DOC2B: variants seen among roughly 807,000 people sequenced by gnomAD.
DOC2B encodes double C2-like domain-containing protein beta.
In DOC2B, 21 loss-of-function variants were observed where a neutral mutation model predicts 28.9. That is an observed-to-expected ratio of 0.73 (90% CI 0.52 to 1.05). The LOEUF (loss-of-function observed/expected upper bound fraction) is 1.05, where lower values mean the gene tolerates loss of function less well. Ranked by LOEUF, DOC2B falls within the 50% of genes least tolerant of loss-of-function variation. DOC2B has a pLI of 0.00. For synonymous variants in DOC2B, 194 were observed against 178.1 expected (o/e 1.09, Z -0.71); for missense variants, 384 against 421.1 (o/e 0.91, Z 0.77).
intron 2 of DOC2B, among the ~76,000 whole-genome samples, chr17:172,109 G>A (rs1365518072): frequency 6.6e-6 from 1 of 152,084 alleles, no homozygotes; most frequent in Non-Finnish European, 1.5e-5. Flanking sequence ...AGTGGCATCG[G>A]CCTCCTACAG....
chr17:177,175 G>A (rs569195150), intron 1 of DOC2B, among the ~76,000 whole-genome samples: 1 of 152,090 alleles, frequency 6.6e-6, no homozygotes, highest in African/African-American at 2.4e-5. Context: ...AGCCAGGCCG[G>A]CACTGCAGGG....
chr17:181,374 A>G lies in DOC2B; in HGVS notation c.106T>C (p.Tyr36His). 1.8e-6 allele frequency: 2 copies of G among 1,141,262 alleles called. No individual in the cohort carries two copies. The highest frequency in any genetic ancestry group is 2.2e-6 in the Non-Finnish European group (2 of 926,846). 70.7% of individuals were successfully genotyped at this position (1,141,262 alleles called of 1,614,324 possible). The change falls in exon 1 of 9, where the codon TAC (tyrosine) becomes CAC (histidine). Residue 36 changes from tyrosine (Y) to histidine (H), a missense_variant. Transcript: ENST00000613549. This position sits in a 1 kb window ranked among gnomAD's most constrained non-coding sequence, Gnocchi z 7.0. Reference sequence around the variant, plus strand: ...AGGCCCCGCGGGAAGCGGGGGAAGTAGTCGGAGATCTGCTTGATGGGACGG... The same window carrying G: ...AGGCCCCGCGGGAAGCGGGGGAAGTGGTCGGAGATCTGCTTGATGGGACGG... Reference protein sequence around the residue: ...PIRPIKQISDYFPRFPRGLPP... With the variant: ...PIRPIKQISDHFPRFPRGLPP...
At chr17:149,456 AG>A (rs1385831995) in intron 6 of DOC2B, among the ~76,000 whole-genome samples, 1 of 152,122 alleles carries the variant, frequency 6.6e-6, no homozygotes, top group Non-Finnish European at 1.5e-5. Flanking sequence ...CCATCCCCCT[AG>A]GAAAGGGGTT....
chr17:180,099 C>T (rs975078758), intron 1 of DOC2B, among the ~76,000 whole-genome samples: 2 of 152,266 alleles, frequency 1.3e-5, no homozygotes, highest in African/African-American at 4.8e-5. Flanking sequence ...GGGCCACATC[C>T]CGGGAAGGGC....
chr17:180,920 G>C (rs920227089), intron 1 of DOC2B, among the ~76,000 whole-genome samples, 187 bp downstream of exon 1: 7 of 151,816 alleles, frequency 4.6e-5, no homozygotes, highest in Non-Finnish European at 1.0e-4. Flanking sequence ...GGGAGGGCTC[G>C]AGGCCGGTGG....
chr17:154,761 GCT>G (rs1385288376), intron 6 of DOC2B, among the ~76,000 whole-genome samples: 2 of 151,946 alleles, frequency 1.3e-5, no homozygotes, highest in African/African-American at 4.8e-5. Flanking sequence ...AGAGTGTCTC[GCT>G]CTGTCACCCT....
At chr17:175,211 A>G (rs112312375) in intron 1 of DOC2B, among the ~76,000 whole-genome samples, 9,677 of 152,296 alleles carry the variant, frequency 0.064, 330 homozygotes, top group African/African-American at 0.074. Flanking sequence ...CATCCAACCT[A>G]GGCGACAGAG....
intron 2 of DOC2B, among the ~76,000 whole-genome samples, chr17:166,292 G>A (rs2040263875): frequency 6.6e-6 from 1 of 152,282 alleles, no homozygotes; most frequent in Non-Finnish European, 1.5e-5. Context: ...GGTTCCGCCA[G>A]TGCCTCCACC....
chr17:157,701 C>T (rs2040151806), intron 5 of DOC2B, among the ~76,000 whole-genome samples: 1 of 152,226 alleles, frequency 6.6e-6, no homozygotes, highest in African/African-American at 2.4e-5. Flanking sequence ...ACCTCAGCCT[C>T]CTGAAGTGCT....
chr17:181,102 CT>C lies in DOC2B; in HGVS notation c.373+4del. 1 of 1,244,190 alleles carries C rather than the reference CT, an allele frequency of 8.0e-7. No homozygotes were observed. The highest frequency in any genetic ancestry group is 1.0e-6 in the Non-Finnish European group (1 of 992,774). The allele number at this position is 1,244,190 out of a possible 1,614,324, so 77.1% of individuals were successfully genotyped here. The stretch of plus-strand genomic sequence containing the variant: ...GGGCGCGAAGTCGGCGCGTGGGAAA[CT>C]TACTGCAGTCGTCCGACTCGTAGCC... On this transcript the variant is annotated splice_donor_region_variant and intron_variant, in intron 1 of 8. Coordinates refer to ENST00000613549, the MANE Select transcript of DOC2B (RefSeq NM_003585.5). The surrounding 1 kb of genome is among the most constrained non-coding windows in gnomAD (Gnocchi z 7.0).
In DOC2B at chr17:160,131, T is replaced by C. The variant is rs575945237; in HGVS notation, c.765+1284A>G. ...TCCTGAGTAGCTGGGATTACAGGCATGCACCCCCACACCCGGCTAATTTTT... is the reference window on the plus strand; with the variant it reads ...TCCTGAGTAGCTGGGATTACAGGCACGCACCCCCACACCCGGCTAATTTTT... On this transcript the variant is annotated intron_variant, in intron 5 of 8. Coordinates refer to ENST00000613549, the MANE Select transcript of DOC2B (RefSeq NM_003585.5). Among the ~76,000 whole-genome samples, 6 of 152,070 alleles carry C rather than the reference T, an allele frequency of 3.9e-5. No individual in the cohort carries two copies. In the East Asian group the frequency reaches 9.7e-4, roughly 25 times the overall value.
intron 6 of DOC2B, among the ~76,000 whole-genome samples, chr17:150,516 G>A (rs1016518299): frequency 5.3e-5 from 8 of 152,172 alleles, no homozygotes; most frequent in South Asian, 2.1e-4. Flanking sequence ...CAGTGCCTGC[G>A]ACAAAGCTGA....
chr17:181,209 C>T lies in DOC2B; in HGVS notation c.271G>A (p.Gly91Ser), dbSNP rs1206638547. The change falls in exon 1 of 9, where the codon GGC becomes AGC. Residue 91 changes from glycine to serine, a missense_variant. Gly to Ser is a moderately conservative substitution (Grantham distance 56, BLOSUM62 0). Coordinates refer to ENST00000613549, the MANE Select transcript of DOC2B (RefSeq NM_003585.5). The surrounding 1 kb of genome is among the most constrained non-coding windows in gnomAD (Gnocchi z 7.0). Reference sequence around the variant, plus strand: ...CCCGGGCTGGGGCCCGGGCTGGAGCCGTAGGCTCCGAAGAGCTGGTCCACA... The same window carrying T: ...CCCGGGCTGGGGCCCGGGCTGGAGCTGTAGGCTCCGAAGAGCTGGTCCACA... ...EDVDQLFGAY[G>S]SSPGPSPGPS... 3 of 1,226,892 alleles carry T rather than the reference C, an allele frequency of 2.4e-6. No homozygotes were observed. The highest frequency in any genetic ancestry group is 4.3e-5 in the Admixed American group (1 of 23,228). 76.0% of individuals were successfully genotyped at this position (1,226,892 alleles called of 1,614,324 possible).
chr17:176,103 C>A (rs906243362), intron 1 of DOC2B, among the ~76,000 whole-genome samples: 13 of 152,288 alleles, frequency 8.5e-5, no homozygotes, highest in South Asian at 4.1e-4. Flanking sequence ...GGGAGGGGAG[C>A]TGCTCAGCGT....
intron 5 of DOC2B, among the ~76,000 whole-genome samples, chr17:159,398 G>T (rs538468671): frequency 6.6e-6 from 1 of 152,296 alleles, no homozygotes; most frequent in African/African-American, 2.4e-5. Context: ...GGCTGAGGCA[G>T]GTGGATCATT....
rs2040011617 is a variant in DOC2B, at chr17:145,387, A to G, written c.*2054T>C. The G allele has an allele frequency of 6.6e-6, 1 of 152,272 alleles. No individual in the cohort carries two copies. The highest frequency in any genetic ancestry group is 1.9e-4 in the East Asian group (1 of 5,184). 9.4% of individuals were successfully genotyped at this position (152,272 alleles called of 1,614,324 possible). ...CCCTTCCTGGCTGTGTGGCCTTGGCAAACTACTCAGACTCTGGGAACCTGT... is the reference window on the plus strand; with the variant it reads ...CCCTTCCTGGCTGTGTGGCCTTGGCGAACTACTCAGACTCTGGGAACCTGT... On this transcript the variant is annotated 3_prime_UTR_variant, in exon 9 of 9. Transcript: ENST00000613549.
intron 1 of DOC2B, 22 bp from the exon 2 acceptor site, chr17:172,638 G>A: frequency 1.9e-6 from 3 of 1,540,130 alleles, no homozygotes; most frequent in South Asian, 2.4e-5. Context: ...GGAGGGCACA[G>A]GTCCCACCCT....
At chr17:155,587 G>A (rs991632397) in intron 6 of DOC2B, among the ~76,000 whole-genome samples, 8 of 152,146 alleles carry the variant, frequency 5.3e-5, no homozygotes, top group African/African-American at 1.2e-4. Flanking sequence ...GAGCACTGAC[G>A]GTAGTCACTG....
intron 5 of DOC2B, among the ~76,000 whole-genome samples, chr17:161,198 C>T (rs1201768822): frequency 2.0e-5 from 3 of 152,136 alleles, no homozygotes; most frequent in Non-Finnish European, 4.4e-5. Flanking sequence ...ATGTCATCCC[C>T]CATGATCCCT....
Sources: allele counts gnomAD v4.1 joint callset (sites outside exome capture counted in the v4.1 genomes callset), GRCh38; gene constraint gnomAD v4.1.1; non-coding constraint Gnocchi (gnomAD v3.1); transcripts MANE v1.5; gene names NCBI Gene and HGNC (gene_info 2026-07-23, HGNC 2026-07-21).